Variants in CACNA1D observed in about 807,000 individuals in gnomAD.
CACNA1D encodes the protein calcium voltage-gated channel subunit alpha1 D.
CACNA1D carries 55 observed loss-of-function variants against 257.1 expected under a neutral mutation model. That is an observed-to-expected ratio of 0.21 (90% CI 0.17 to 0.27). The LOEUF (loss-of-function observed/expected upper bound fraction) is 0.27, where lower values mean the gene tolerates loss of function less well. Ranked by LOEUF, CACNA1D falls within the 10% of genes least tolerant of loss-of-function variation. The pLI is 1.00. For missense variants in CACNA1D, 1,876 were observed against 2,784.0 expected (o/e 0.67, Z 7.34); for synonymous variants, 980 against 1,014.9 (o/e 0.97, Z 0.65).
Position 53,743,753 on chromosome 3 carries a change from C to T in CACNA1D, c.2918+636C>T, listed in dbSNP as rs189613855. ...AGAGCATCAGGTGTGGCCTTGCTTT[C>T]TTGCTGGCCTGTGAGCACTTCTGTT... is the stretch of plus-strand genomic sequence containing the variant. On this transcript the variant is annotated intron_variant, in intron 22 of 47. Coordinates refer to ENST00000350061, the MANE Select transcript of CACNA1D (RefSeq NM_001128840.3). Among the ~76,000 whole-genome samples the T allele has an allele frequency of 1.2e-4, 19 of 152,292 alleles. No homozygotes were observed. The East Asian group carries it at 3.7e-3, about 29-fold the overall frequency.
chr3:53,556,978 A>T (rs1207019118), intron 3 of CACNA1D, among the ~76,000 whole-genome samples: 1 of 152,112 alleles, frequency 6.6e-6, no homozygotes, highest in African/African-American at 2.4e-5. Context: ...GGCCTCCCAA[A>T]GTGCTGGGAT....
chr3:53,593,722 C>T (rs1386484911), intron 3 of CACNA1D, among the ~76,000 whole-genome samples: 2 of 152,198 alleles, frequency 1.3e-5, no homozygotes, highest in Non-Finnish European at 1.5e-5. Flanking sequence ...GCTCCAAGGC[C>T]ACCCAAGGAG....
At chr3:53,803,949 C>A (rs570304309) in intron 44 of CACNA1D, among the ~76,000 whole-genome samples, 6 of 152,078 alleles carry the variant, frequency 3.9e-5, no homozygotes, top group Non-Finnish European at 8.8e-5. Context: ...GTGTGGACGG[C>A]GGCTTGGCCA....
intron 3 of CACNA1D, among the ~76,000 whole-genome samples, chr3:53,505,645 AG>A (rs1377107219): frequency 6.6e-6 from 1 of 152,208 alleles, no homozygotes; most frequent in Non-Finnish European, 1.5e-5. Context: ...GATTTCTTGC[AG>A]GTCCTTAGCT....
Position 53,718,696 on chromosome 3 carries a change from G to A in CACNA1D, c.1478+308G>A, listed in dbSNP as rs549378386. 144 of 1,558,492 alleles carry A rather than the reference G, an allele frequency of 9.2e-5. 2 individuals carry two copies. The South Asian group carries it at 1.4e-3, about 15-fold the overall frequency. On this transcript the variant is annotated intron_variant, in intron 10 of 47. Transcript: ENST00000350061. The stretch of plus-strand genomic sequence containing the variant: ...GTGTCCATTAGGTGCTGGTGGAGAC[G>A]GAGAGGCGCGGCCAAGGCGGGGCCC...
At chr3:53,552,267 T>C (rs2092550281) in intron 3 of CACNA1D, among the ~76,000 whole-genome samples, 1 of 152,204 alleles carries the variant, frequency 6.6e-6, no homozygotes, top group Non-Finnish European at 1.5e-5. Flanking sequence ...GGTTGACACC[T>C]CTTCATTGTC....
At chr3:53,523,540 G>T (rs1317295272) in intron 3 of CACNA1D, among the ~76,000 whole-genome samples, 1 of 152,174 alleles carries the variant, frequency 6.6e-6, no homozygotes. Context: ...CTGGCGCTTC[G>T]CCATAGGCAC....
intron 3 of CACNA1D, among the ~76,000 whole-genome samples, chr3:53,599,774 C>T (rs909692426): frequency 6.6e-6 from 1 of 152,274 alleles, no homozygotes; most frequent in Middle Eastern, 3.4e-3. Context: ...AGTGTGAAAA[C>T]TTAGTTTCCT....
intron 12 of CACNA1D, 100 bp downstream of exon 12, chr3:53,722,574 G>A (rs759017090): frequency 1.4e-4 from 166 of 1,214,736 alleles, no homozygotes; most frequent in African/African-American, 9.4e-4. Flanking sequence ...ATGAAGTATC[G>A]CAACATTTCT....
At chr3:53,497,859 CTG>C (rs1333055039) in intron 2 of CACNA1D, among the ~76,000 whole-genome samples, 3 of 152,198 alleles carry the variant, frequency 2.0e-5, no homozygotes, top group Non-Finnish European at 2.9e-5. Context: ...GAAAAAAAGA[CTG>C]TATAAGACTC....
At chr3:53,726,442 A>T (rs758207998) in intron 14 of CACNA1D, among the ~76,000 whole-genome samples, 13 of 33,310 alleles carry the variant, frequency 3.9e-4, no homozygotes, top group Non-Finnish European at 5.2e-4. Flanking sequence ...GTTCGAGACC[A>T]GCCTGGCCAA....
At chr3:53,735,300 G>A in intron 19 of CACNA1D, 74 bp from the exon 20 acceptor site, 1 of 1,404,942 alleles carries the variant, frequency 7.1e-7, no homozygotes, top group Non-Finnish European at 1.0e-6. Flanking sequence ...TGCTGCAGTG[G>A]CCCCACACTC....
chr3:53,752,460 C>T (rs934196359), intron 28 of CACNA1D, among the ~76,000 whole-genome samples: 6 of 152,164 alleles, frequency 3.9e-5, no homozygotes, highest in Admixed American at 3.3e-4. Context: ...AGTGCAGTAG[C>T]GCGATCTCGG....
At chr3:53,679,801 T>G (rs893589344) in intron 8 of CACNA1D, 4 of 152,188 alleles carry the variant, frequency 2.6e-5, no homozygotes, top group African/African-American at 9.7e-5. Flanking sequence ...TGTCCCCTTT[T>G]CTGAACCATG....
chr3:53,536,296 A>G (rs1370605815), intron 3 of CACNA1D, among the ~76,000 whole-genome samples: 2 of 152,126 alleles, frequency 1.3e-5, no homozygotes, highest in African/African-American at 4.8e-5. Context: ...TACCCTGGTC[A>G]TTTTCGAAGC....
Position 53,770,551 on chromosome 3 carries a change from A to G in CACNA1D, c.4043A>G (p.Gln1348Arg), listed in dbSNP as rs1292732703. 1 of 1,613,740 alleles carries G rather than the reference A, an allele frequency of 6.2e-7. No individual in the cohort carries two copies. Among genetic ancestry groups the G allele is most frequent in the Admixed American group, 1.7e-5 (1 of 60,020 alleles). Residue 1348 changes from glutamine to arginine, a missense_variant and splice_region_variant, in exon 32 of 48, where the codon CAG becomes CGG. By Grantham distance (43) the Gln-to-Arg change is conservative (BLOSUM62 1). Transcript: ENST00000350061. The stretch of plus-strand genomic sequence containing the variant: ...CTGTGGACTTTTATTAAGTCCTTTC[A>G]GGTAAGAGCCATGCCAAGGACTTCT... ...TLLWTFIKSF[Q>R]ALPYVALLIA...
intron 36 of CACNA1D, 65 bp downstream of exon 36, chr3:53,776,795 G>T: frequency 2.5e-6 from 4 of 1,613,706 alleles, no homozygotes; most frequent in Non-Finnish European, 3.4e-6. Context: ...TTTTTTTGTG[G>T]AGTGGACTGA....
rs2090297506 is a variant in CACNA1D, at chr3:53,495,315, C to T, written c.67+82C>T. 1 of 1,562,458 alleles carries T rather than the reference C, an allele frequency of 6.4e-7. No individual in the cohort carries two copies. Among genetic ancestry groups the T allele is most frequent in the African/African-American group, 1.4e-5 (1 of 73,928 alleles). On this transcript the variant is annotated intron_variant, in intron 1 of 47. Transcript: ENST00000350061. The surrounding 1 kb of genome is among the most constrained non-coding windows in gnomAD (Gnocchi z 5.1). ...AGCCCCCTCCCCCTTCCCCGCGGCGCTGGATGGGTTGAGGGGGTTGGAGAG... is the reference window on the plus strand; with the variant it reads ...AGCCCCCTCCCCCTTCCCCGCGGCGTTGGATGGGTTGAGGGGGTTGGAGAG...
chr3:53,677,475 T>A (rs1374461655), intron 8 of CACNA1D, among the ~76,000 whole-genome samples: 2 of 152,250 alleles, frequency 1.3e-5, no homozygotes, highest in African/African-American at 4.8e-5. Context: ...TAAAGGGTTT[T>A]TCTAATTTAA....
Sources: gnomAD v4.1 joint callset for allele counts (sites outside exome capture counted in the v4.1 genomes callset) on GRCh38, gnomAD v4.1.1 for gene constraint, Gnocchi (gnomAD v3.1) non-coding constraint, MANE v1.5 for transcripts, NCBI Gene and HGNC (gene_info 2026-07-23, HGNC 2026-07-21) for gene names.